The following SRGAP1 variants were observed in gnomAD, a reference collection of about 807,000 sequenced individuals.
SRGAP1 encodes SLIT-ROBO Rho GTPase-activating protein 1.
In SRGAP1, 43 loss-of-function variants were observed where a neutral mutation model predicts 121.9. The observed-to-expected ratio is 0.35, with a 90% CI of 0.28 to 0.46. The LOEUF is 0.46. Among genes scored for constraint, SRGAP1 ranks in the 20% least tolerant of loss-of-function variants. The pLI, the probability that SRGAP1 is intolerant of heterozygous loss-of-function variation, is 1.00. For missense variants in SRGAP1, 1,102 were observed against 1,350.9 expected (o/e 0.82, Z 2.89); for synonymous variants, 447 against 485.4 (o/e 0.92, Z 1.04).
intron 21 of SRGAP1, among the ~76,000 whole-genome samples, chr12:64,140,771 G>A (rs867415019): frequency 7.6e-6 from 1 of 132,004 alleles, no homozygotes; most frequent in Admixed American, 8.0e-5. Context: ...CCCATTACTG[G>A]GTATATACCC....
At chr12:64,081,896 G>T in intron 10 of SRGAP1, 1 of 142,112 alleles carries the variant, frequency 7.0e-6, no homozygotes. Context: ...TAACTCTTCT[G>T]TAGGTTTGAA....
chr12:64,051,501 TAAC>T (rs1198172388), intron 6 of SRGAP1, among the ~76,000 whole-genome samples: 1 of 152,196 alleles, frequency 6.6e-6, no homozygotes, highest in Non-Finnish European at 1.5e-5. Flanking sequence ...TAAAGGGGAA[TAAC>T]AATTTTTAAA....
chr12:64,131,132 C>A (rs1191505457), intron 21 of SRGAP1, among the ~76,000 whole-genome samples: 2 of 152,184 alleles, frequency 1.3e-5, no homozygotes, highest in Non-Finnish European at 2.9e-5. Flanking sequence ...ACAGGGGTGG[C>A]TGGGGAAAGA....
intron 2 of SRGAP1, among the ~76,000 whole-genome samples, chr12:63,988,081 T>G (rs2033464300): frequency 6.6e-6 from 1 of 152,200 alleles, no homozygotes; most frequent in Non-Finnish European, 1.5e-5. Context: ...ACATGGATAT[T>G]ACTTTTCACA....
chr12:63,933,302 A>G (rs900026277), intron 1 of SRGAP1, among the ~76,000 whole-genome samples: 4 of 152,232 alleles, frequency 2.6e-5, no homozygotes, highest in Admixed American at 6.5e-5. Flanking sequence ...TTGGGAGAGC[A>G]TATTTTGGAA....
At chr12:64,061,546 A>G (rs868323044) in intron 6 of SRGAP1, among the ~76,000 whole-genome samples, 3 of 152,094 alleles carry the variant, frequency 2.0e-5, no homozygotes, top group Non-Finnish European at 4.4e-5. Flanking sequence ...CTTTATGGAG[A>G]TACAATTCAC....
At chr12:63,889,376 A>C (rs1406529616) in intron 1 of SRGAP1, among the ~76,000 whole-genome samples, 1 of 152,190 alleles carries the variant, frequency 6.6e-6, no homozygotes, top group Non-Finnish European at 1.5e-5. Context: ...GGTGGAGAGA[A>C]GAGGCGGCAA....
intron 16 of SRGAP1, among the ~76,000 whole-genome samples, chr12:64,110,766 G>A (rs2036419027): frequency 6.6e-6 from 1 of 152,246 alleles, no homozygotes; most frequent in Non-Finnish European, 1.5e-5. Context: ...AATGGCAGAA[G>A]GGAAAGACAT....
At position 64,155,041 on chromosome 12, in the gene SRGAP1, T is replaced by A. The variant is rs1326816671; in HGVS notation, c.*12369T>A. The A allele has an allele frequency of 6.6e-6, 1 of 152,086 alleles. No homozygotes were observed. The highest frequency in any genetic ancestry group is 6.5e-5 in the Admixed American group (1 of 15,278). The allele number at this position is 152,086 out of a possible 1,614,324, so 9.4% of individuals were successfully genotyped here. ...CATTTGTTAAATATATATATTTTTT[T>A]CTTTTTCTTTTTCTTTTTTTTGAGA... On this transcript the variant is annotated 3_prime_UTR_variant, in exon 22 of 22. Coordinates refer to ENST00000355086, the MANE Select transcript of SRGAP1 (RefSeq NM_020762.4).
intron 1 of SRGAP1, among the ~76,000 whole-genome samples, chr12:63,930,453 G>A (rs773161903): frequency 5.9e-5 from 9 of 151,270 alleles, no homozygotes; most frequent in Non-Finnish European, 1.2e-4. Flanking sequence ...TACTCAAATT[G>A]AGATGATAAA....
chr12:63,849,487 C>T (rs111949357), intron 1 of SRGAP1, among the ~76,000 whole-genome samples: 32 of 152,142 alleles, frequency 2.1e-4, no homozygotes, highest in African/African-American at 6.3e-4. Flanking sequence ...AGAGATAGCA[C>T]CATATTTATC....
chr12:64,034,550 C>T (rs1248563750), intron 4 of SRGAP1, among the ~76,000 whole-genome samples: 1 of 152,164 alleles, frequency 6.6e-6, no homozygotes, highest in African/African-American at 2.4e-5. Flanking sequence ...AAATTATGAC[C>T]TGTTATTGAA....
intron 1 of SRGAP1, among the ~76,000 whole-genome samples, chr12:63,954,251 A>G (rs901659680): frequency 2.0e-5 from 3 of 152,264 alleles, no homozygotes; most frequent in Non-Finnish European, 4.4e-5. Flanking sequence ...GATTAAGATC[A>G]CAGAAAAGTT....
intron 3 of SRGAP1, among the ~76,000 whole-genome samples, chr12:64,007,998 G>A (rs1359898058): frequency 6.6e-6 from 1 of 152,148 alleles, no homozygotes; most frequent in East Asian, 1.9e-4. Flanking sequence ...ATAAAGATAA[G>A]ATGCTGAGCT....
Position 64,127,957 on chromosome 12 carries a change from C to T in SRGAP1, c.2637C>T (p.Asn879=). Residue 879 remains asparagine, a synonymous_variant, in exon 21 of 22, where the codon AAC becomes AAT. Transcript: ENST00000355086. ...CPLHPPHALS[N]SSVDLGSPSL... is the part of the protein sequence containing the mutation. ...TCCACCCTCCACATGCCCTTTCTAA[C>T]TCCTCAGTTGACCTAGGGTCCCCAA... is the stretch of plus-strand genomic sequence containing the variant. The T allele has an allele frequency of 6.2e-7, 1 of 1,614,258 alleles. No homozygotes were observed. The highest frequency in any genetic ancestry group is 8.5e-7 in the Non-Finnish European group (1 of 1,180,046).
rs2031422584 is a variant in SRGAP1 at position 63,930,270 on chromosome 12, CA to C, written c.68-53676del. On this transcript the variant is annotated intron_variant, in intron 1 of 21. Transcript: ENST00000355086. ...GTTTGGGAGGCTGTGGTGGGCAGAT[CA>C]CTTGAGGTCAGGAGTTTGAGACCAG... Among the ~76,000 whole-genome samples the C allele has an allele frequency of 2.9e-5, 4 of 138,964 alleles. No individual in the cohort carries two copies. In the South Asian group the frequency reaches 9.2e-4, roughly 32 times the overall value. The allele number at this position is 138,964 out of a possible 152,430, so 91.2% of individuals were successfully genotyped here. A position where few individuals can be genotyped will look rare whatever the true frequency, so the allele number is the denominator to read the frequency against.
At chr12:63,969,210 T>C (rs1185782275) in intron 1 of SRGAP1, among the ~76,000 whole-genome samples, 1 of 152,130 alleles carries the variant, frequency 6.6e-6, no homozygotes, top group Non-Finnish European at 1.5e-5. Flanking sequence ...TTCTGTTTGG[T>C]GTCAGAGCTA....
At chr12:63,847,571 C>A (rs1242910472) in intron 1 of SRGAP1, among the ~76,000 whole-genome samples, 1 of 152,014 alleles carries the variant, frequency 6.6e-6, no homozygotes, top group Non-Finnish European at 1.5e-5. Flanking sequence ...CATGGTGAAA[C>A]CCTGTCCCTA....
At chr12:64,123,633 A>G (rs1446279922) in intron 18 of SRGAP1, among the ~76,000 whole-genome samples, 2 of 150,100 alleles carry the variant, frequency 1.3e-5, no homozygotes, top group African/African-American at 2.5e-5. Flanking sequence ...GTTTTATTCA[A>G]TTGCTAAAGG....
Sources: gnomAD v4.1 joint callset for allele counts (sites outside exome capture counted in the v4.1 genomes callset) on GRCh38, gnomAD v4.1.1 for gene constraint, MANE v1.5 for transcripts, NCBI Gene and HGNC (gene_info 2026-07-23, HGNC 2026-07-21) for gene names.